NCKAP5: variants seen among roughly 807,000 people sequenced by gnomAD.
NCKAP5 encodes the protein NCK associated protein 5, also known as nck-associated protein 5.
Under a neutral mutation model 167.0 loss-of-function variants are expected in NCKAP5, and 92 were observed. The ratio of observed to expected loss-of-function variants is 0.55; its 90% confidence interval spans 0.47 to 0.66. NCKAP5 has a LOEUF of 0.66. Among genes scored for constraint, NCKAP5 ranks in the 30% least tolerant of loss-of-function variants. The probability of loss-of-function intolerance (pLI) is 0.00; values close to 1 mark genes in which losing one functional copy is unlikely to be tolerated. For synonymous variants in NCKAP5, 891 were observed against 877.4 expected, an observed-to-expected ratio of 1.02 and a Z score of -0.27; for missense variants, 2,378 against 2,315.0, an observed-to-expected ratio of 1.03 and a Z score of -0.56.
rs116708461 is a variant in NCKAP5 at position 133,097,558 on chromosome 2, G to A, written c.341+32420C>T. 5.9e-3 allele frequency among the ~76,000 whole-genome samples: 891 copies of A among 152,282 alleles called. 3 individuals are homozygous for A. The highest frequency in any genetic ancestry group is 0.02 in the African/African-American group (841 of 41,546). ...CTCCTTAATGTTTTCTTGATCGTCA[G>A]AACCTTTACTCGGGATTCAATAAGA... On this transcript the variant is annotated intron_variant, in intron 6 of 19. Transcript: ENST00000409261.
At chr2:132,967,151 C>G (rs552836432) in intron 7 of NCKAP5, among the ~76,000 whole-genome samples, 1 of 147,300 alleles carries the variant, frequency 6.8e-6, no homozygotes, top group African/African-American at 2.5e-5. Flanking sequence ...TGAGGAGCCA[C>G]TGCCCTATCG....
intron 6 of NCKAP5, among the ~76,000 whole-genome samples, chr2:133,069,104 T>G: frequency 6.6e-6 from 1 of 152,184 alleles, no homozygotes; most frequent in African/African-American, 2.4e-5. Context: ...GAGAAACCAA[T>G]ATTACACTGT....
chr2:133,026,996 T>C (rs1198014965), intron 6 of NCKAP5, among the ~76,000 whole-genome samples: 1 of 152,130 alleles, frequency 6.6e-6, no homozygotes, highest in Non-Finnish European at 1.5e-5. Flanking sequence ...AATGCGCCCT[T>C]ACAAAGTGCT....
chr2:132,880,604 T>C (rs1334657582), intron 8 of NCKAP5, among the ~76,000 whole-genome samples: 2 of 151,880 alleles, frequency 1.3e-5, no homozygotes, highest in Non-Finnish European at 2.9e-5. Context: ...CACTCCAGCC[T>C]GGAAGATAGT....
At chr2:133,522,099 T>C (rs925598601) in intron 2 of NCKAP5, among the ~76,000 whole-genome samples, 10 of 152,174 alleles carry the variant, frequency 6.6e-5, no homozygotes, top group Non-Finnish European at 1.3e-4. Flanking sequence ...ATTCTGCTAA[T>C]GGGAGGCAGT....
At chr2:133,646,962 A>T in the NCKAP5 span, among the ~76,000 whole-genome samples, 1 of 152,140 alleles carries the variant, frequency 6.6e-6, no homozygotes, top group African/African-American at 2.4e-5. Context: ...ACCGCAAAAA[A>T]ATACCTATGG....
intron 4 of NCKAP5, among the ~76,000 whole-genome samples, chr2:133,290,843 T>C (rs1354960078): frequency 6.7e-6 from 1 of 149,280 alleles, no homozygotes; most frequent in African/African-American, 2.5e-5. Flanking sequence ...AGCCTCAGAG[T>C]CCTGGACTCA....
chr2:133,611,852 G>C, the NCKAP5 span, among the ~76,000 whole-genome samples: 16 of 152,188 alleles, frequency 1.1e-4, no homozygotes, highest in Non-Finnish European at 1.9e-4. Flanking sequence ...GATGGGTTTT[G>C]AGATGATTCT....
At chr2:132,758,449 A>G (rs1314783041) in intron 16 of NCKAP5, among the ~76,000 whole-genome samples, 1 of 152,184 alleles carries the variant, frequency 6.6e-6, no homozygotes, top group Non-Finnish European at 1.5e-5. Context: ...GGCATAAGAA[A>G]TCCTAGTTTT....
chr2:133,310,252 C>A (rs566616932), intron 3 of NCKAP5, among the ~76,000 whole-genome samples: 2 of 152,298 alleles, frequency 1.3e-5, no homozygotes, highest in Admixed American at 1.3e-4. Flanking sequence ...TCCGAGGAGA[C>A]TTTTTTAAAT....
chr2:133,507,100 C>T (rs1489945898), intron 3 of NCKAP5, among the ~76,000 whole-genome samples: 1 of 152,200 alleles, frequency 6.6e-6, no homozygotes, highest in African/African-American at 2.4e-5. Context: ...AGGCAGGACA[C>T]CACTGGCCTC....
At chr2:133,417,905 T>C (rs1272313491) in intron 3 of NCKAP5, among the ~76,000 whole-genome samples, 1 of 152,150 alleles carries the variant, frequency 6.6e-6, no homozygotes, top group Non-Finnish European at 1.5e-5. Flanking sequence ...AGAAATTTGG[T>C]TGACATAAGG....
rs776112498 is a variant in NCKAP5, at chr2:133,077,968, G to A, written c.341+52010C>T. On this transcript the variant is annotated intron_variant, in intron 6 of 19. Transcript: ENST00000409261. Reference sequence around the variant, plus strand: ...CCATAGTCTTCACTTAAATGTCTTCGGCTTCTCTGAAGAAAAAAGAAGACT... The same window carrying A: ...CCATAGTCTTCACTTAAATGTCTTCAGCTTCTCTGAAGAAAAAAGAAGACT... 2.6e-5 allele frequency among the ~76,000 whole-genome samples: 4 copies of A among 152,034 alleles called. No homozygotes were observed. In the East Asian group the frequency reaches 5.8e-4, roughly 22 times the overall value.
chr2:132,912,064 T>C (rs1694498212), intron 8 of NCKAP5, among the ~76,000 whole-genome samples: 1 of 152,154 alleles, frequency 6.6e-6, no homozygotes, highest in African/African-American at 2.4e-5. Context: ...AGAGTACTCA[T>C]AGTTTTCTAC....
chr2:133,491,517 C>G (rs1280467551), intron 3 of NCKAP5, among the ~76,000 whole-genome samples: 3 of 152,162 alleles, frequency 2.0e-5, no homozygotes, highest in Non-Finnish European at 2.9e-5. Flanking sequence ...AAGACAGGAA[C>G]AGCAGAGGGC....
chr2:133,079,167 C>T (rs2080717538), intron 6 of NCKAP5, among the ~76,000 whole-genome samples: 1 of 152,138 alleles, frequency 6.6e-6, no homozygotes, highest in Non-Finnish European at 1.5e-5. Context: ...GTATCTTCCA[C>T]ATTCATATCT....
rs77248225 is a variant in NCKAP5, at chr2:133,102,002, G to T, written c.341+27976C>A. Among the ~76,000 whole-genome samples the T allele has an allele frequency of 9.3e-3, 1,401 of 151,422 alleles. 21 individuals carry two copies. Among genetic ancestry groups the T allele is most frequent in the African/African-American group, 0.032 (1,338 of 41,298 alleles). ...TTTGGGAGAAAAAAGGAGTCTCTGG[G>T]GAAAAAAAATAAAAGACTGGAAAAG... On this transcript the variant is annotated intron_variant, in intron 6 of 19. Coordinates refer to ENST00000409261, the MANE Select transcript of NCKAP5 (RefSeq NM_207363.3).
rs56749756 is a variant in NCKAP5, at chr2:132,749,948, T to C, written c.5129-17897A>G. Among the ~76,000 whole-genome samples the C allele has an allele frequency of 9.4e-3, 1,436 of 152,264 alleles. 20 individuals are homozygous for C. The highest frequency in any genetic ancestry group is 0.031 in the African/African-American group (1,291 of 41,536). ...TGATGCCATGAGCCTCACCACCTTTTATCCTCCCAACAATCATGCTCCGAG... is the reference window on the plus strand; with the variant it reads ...TGATGCCATGAGCCTCACCACCTTTCATCCTCCCAACAATCATGCTCCGAG... On this transcript the variant is annotated intron_variant, in intron 16 of 19. Coordinates refer to ENST00000409261, the MANE Select transcript of NCKAP5 (RefSeq NM_207363.3).
At chr2:132,928,967 AAC>A (rs1696143994) in intron 8 of NCKAP5, among the ~76,000 whole-genome samples, 1 of 135,748 alleles carries the variant, frequency 7.4e-6, no homozygotes, top group African/African-American at 3.7e-5. Flanking sequence ...ACCAAAACAA[AAC>A]AAAACAAAAC....
Sources: allele counts gnomAD v4.1 joint callset (sites outside exome capture counted in the v4.1 genomes callset), GRCh38; gene constraint gnomAD v4.1.1; transcripts MANE v1.5; gene names NCBI Gene and HGNC (gene_info 2026-07-23, HGNC 2026-07-21).